The following MATK variants were observed in gnomAD, a reference collection of about 807,000 sequenced individuals.
MATK encodes the protein megakaryocyte-associated tyrosine kinase, also known as megakaryocyte-associated tyrosine-protein kinase.
MATK carries 41 observed loss-of-function variants against 59.8 expected under a neutral mutation model. The ratio of observed to expected loss-of-function variants is 0.69; its 90% CI spans 0.53 to 0.89. The LOEUF is 0.89. Among genes scored for constraint, MATK ranks in the 40% least tolerant of loss-of-function variants. The pLI, the probability that MATK is intolerant of heterozygous loss-of-function variation, is 0.00. For synonymous variants in MATK, 308 were observed against 306.1 expected (o/e 1.01, Z -0.06); for missense variants, 593 against 719.6 (o/e 0.82, Z 2.01).
chr19:3,784,072 AG>A, intron 5 of MATK, 39 bp from the exon 6 acceptor site: 8 of 1,589,778 alleles, frequency 5.0e-6, no homozygotes, highest in Middle Eastern at 1.7e-4. Flanking sequence ...TGGGCTGTGG[AG>A]GGGGGGTCAC....
chr19:3,792,344 T>C (rs2037550820), intron 1 of MATK, among the ~76,000 whole-genome samples: 1 of 151,928 alleles, frequency 6.6e-6, no homozygotes. Flanking sequence ...CTTTACAAAA[T>C]TTATCAGTCA....
At chr19:3,786,781 T>C (rs900116865), upstream of MATK, among the ~76,000 whole-genome samples, 1 of 152,140 alleles carries the variant, frequency 6.6e-6, no homozygotes, top group Non-Finnish European at 1.5e-5. The surrounding 1 kb of genome is among the most constrained non-coding windows in gnomAD (Gnocchi z 4.1). Flanking sequence ...TCAGCCGCTA[T>C]CAATATCATT....
At chr19:3,784,300 C>T (rs771476644) in intron 4 of MATK, 38 bp downstream of exon 4, 18 of 1,593,760 alleles carry the variant, frequency 1.1e-5, no homozygotes, top group African/African-American at 1.3e-5. Context: ...GGTGGAGCCC[C>T]CAGCCCCAAG....
rs367878267 is a variant in MATK, at chr19:3,779,697, C to T, written c.842+1G>A. The T allele has an allele frequency of 6.2e-6, 10 of 1,612,730 alleles. No homozygotes were observed. The highest frequency in any genetic ancestry group is 2.7e-5 in the African/African-American group (2 of 74,866). On this transcript the variant is annotated splice_donor_variant, in intron 9 of 13. Transcript: ENST00000310132. LOFTEE classifies it high-confidence loss of function. ...GTCCCCAGCCCCACCCTGGGACTCA[C>T]GTCATGACGGCCGTCTCGTCCAGGA...
At position 3,784,174 on chromosome 19, in the gene MATK, C is replaced by T. The variant is rs1041531978; in HGVS notation, c.312G>A (p.Ala104=). 2.4e-5 allele frequency: 38 copies of T among 1,613,314 alleles called. No homozygotes were observed. The highest frequency in any genetic ancestry group is 2.7e-5 in the Non-Finnish European group (32 of 1,179,754). Residue 104 remains alanine, a synonymous_variant, in exon 5 of 14, where the codon GCG becomes GCA. Transcript: ENST00000310132. ...SGQEGLLAAG[A]LREREALSAD... ...CGGAGAGGGCCTCCCGCTCCCGCAG[C>T]GCCCCAGCTGCCAGCAGCCCCTCCT...
chr19:3,789,310 C>G (rs2037518584), upstream of MATK: 1 of 778,866 alleles, frequency 1.3e-6, no homozygotes, highest in Admixed American at 1.7e-5. Context: ...TCGCCGAGGT[C>G]TGCCTTCTCT....
At chr19:3,796,756 C>T (rs1220527445) in intron 1 of MATK, among the ~76,000 whole-genome samples, 2 of 151,966 alleles carry the variant, frequency 1.3e-5, no homozygotes, top group Admixed American at 6.6e-5. Flanking sequence ...TTGGTTTGGT[C>T]CCTTGTTTTA....
rs150394159 is a variant in MATK at position 3,779,127 on chromosome 19, G to A, written c.1062C>T (p.Ala354=). The A allele has an allele frequency of 5.8e-5, 93 of 1,609,714 alleles. No homozygotes were observed. In the African/African-American group the frequency reaches 9.7e-4, roughly 17 times the overall value. ...ESKKLVHRDL[A]ARNILVSEDL... is the part of the protein sequence containing the mutation. The stretch of plus-strand genomic sequence containing the variant: ...CCTCTGAGACCAGGATGTTGCGGGC[G>A]GCCAGGTCGCGGTGCACAAGCTTCT... The change falls in exon 12 of 14, where the codon GCC becomes GCT. Residue 354 remains alanine (A), a synonymous_variant. Transcript: ENST00000310132.
At chr19:3,779,656 C>A (rs747695225) in intron 9 of MATK, 39 bp from the exon 10 acceptor site, 4 of 1,581,888 alleles carry the variant, frequency 2.5e-6, no homozygotes, top group Non-Finnish European at 2.6e-6. Context: ...AGGGCTGGGA[C>A]CCCCCCCGTC....
intron 1 of MATK, among the ~76,000 whole-genome samples, chr19:3,792,119 A>AG (rs2037548640): frequency 6.6e-6 from 1 of 151,944 alleles, no homozygotes; most frequent in South Asian, 2.1e-4. Flanking sequence ...AAAAAAAAAA[A>AG]AAAGTGTAAA....
intron 1 of MATK, among the ~76,000 whole-genome samples, chr19:3,796,462 A>T (rs995090642): frequency 6.6e-6 from 1 of 152,148 alleles, no homozygotes; most frequent in African/African-American, 2.4e-5. Flanking sequence ...TTAAATGAAA[A>T]TTCAGTGCTT....
chr19:3,786,382 G>A (rs2037484942), upstream of MATK: 2 of 981,942 alleles, frequency 2.0e-6, no homozygotes, highest in Non-Finnish European at 2.4e-6. This position sits in a 1 kb window ranked among gnomAD's most constrained non-coding sequence, Gnocchi z 4.1. Context: ...CGGCCGCACT[G>A]CGGTCTCCTC....
chr19:3,789,479 G>A (rs985235947), upstream of MATK: 6 of 570,630 alleles, frequency 1.1e-5, no homozygotes, highest in African/African-American at 3.8e-5. Flanking sequence ...CACCCCAGAA[G>A]AAATAATAAG....
At chr19:3,789,645 T>G (rs995551665), upstream of MATK, among the ~76,000 whole-genome samples, 1 of 151,322 alleles carries the variant, frequency 6.6e-6, no homozygotes, top group Non-Finnish European at 1.5e-5. Flanking sequence ...GATTTGAGCC[T>G]GCGGTTTATT....
intron 6 of MATK, 78 bp from the exon 7 acceptor site, chr19:3,783,297 T>C: frequency 3.3e-6 from 1 of 301,074 alleles, no homozygotes; most frequent in Non-Finnish European, 7.0e-6. Flanking sequence ...CCGGGTGGCC[T>C]CTGGGTGGGG....
intron 1 of MATK, among the ~76,000 whole-genome samples, chr19:3,791,633 G>A (rs1294881858): frequency 1.3e-5 from 2 of 148,576 alleles, no homozygotes; most frequent in African/African-American, 4.9e-5. Context: ...GTGAGCCACC[G>A]CACCCAGCCT....
At chr19:3,778,946 C>T in intron 12 of MATK, 46 bp downstream of exon 12, 1 of 1,496,784 alleles carries the variant, frequency 6.7e-7, no homozygotes, top group South Asian at 1.3e-5. Context: ...TACAGCAGAG[C>T]TGGGGGGACC....
chr19:3,797,458 G>C (rs1274112670), intron 1 of MATK, among the ~76,000 whole-genome samples: 1 of 151,336 alleles, frequency 6.6e-6, no homozygotes, highest in Non-Finnish European at 1.5e-5. Context: ...CACCATGCTG[G>C]CTAATTTTTT....
At chr19:3,783,783 G>A in intron 6 of MATK, 31 bp downstream of exon 6, 1 of 1,592,284 alleles carries the variant, frequency 6.3e-7, no homozygotes, top group Non-Finnish European at 8.6e-7. Context: ...CCCCACTGCA[G>A]GGACGGGGTG....
Sources: allele counts gnomAD v4.1 joint callset (sites outside exome capture counted in the v4.1 genomes callset), GRCh38; gene constraint gnomAD v4.1.1; non-coding constraint Gnocchi (gnomAD v3.1); transcripts MANE v1.5; gene names NCBI Gene and HGNC (gene_info 2026-07-23, HGNC 2026-07-21).